Variants in SMG1 observed in about 807,000 individuals in gnomAD.
SMG1 encodes serine/threonine-protein kinase SMG1.
A neutral mutation model predicts 419.9 loss-of-function variants in SMG1; 22 were observed. The ratio of observed to expected loss-of-function variants is 0.05; its 90% CI spans 0.04 to 0.07. The LOEUF (loss-of-function observed/expected upper bound fraction) is 0.07. SMG1 is among the 10% of genes least tolerant of loss of function. The pLI is 1.00. For synonymous variants in SMG1, 1,538 were observed against 1,553.5 expected, an observed-to-expected ratio of 0.99 and a Z score of 0.23; for missense variants, 3,185 against 4,342.0, an observed-to-expected ratio of 0.73 and a Z score of 7.49.
Position 18,840,076 on chromosome 16 carries a change from T to A in SMG1, c.6697-130A>T, listed in dbSNP as rs1378478092. ...AGCATTCTCTCATTACTCAACTAAA[T>A]TTCATGTATTAATACAAAATAGCTA... On this transcript the variant is annotated intron_variant, in intron 41 of 62. Transcript: ENST00000446231. 11 of 698,408 alleles carry A rather than the reference T, an allele frequency of 1.6e-5. No homozygotes were observed. In the East Asian group the frequency reaches 3.0e-4, roughly 19 times the overall value. The allele number at this position is 698,408 out of a possible 1,614,324, so 43.3% of individuals were successfully genotyped here.
At chr16:18,887,986 C>A (rs1411608768) in intron 6 of SMG1, among the ~76,000 whole-genome samples, 1 of 150,482 alleles carries the variant, frequency 6.6e-6, no homozygotes, top group African/African-American at 2.4e-5. Flanking sequence ...GCCAGCACAA[C>A]GAAACCCCAT....
intron 13 of SMG1, among the ~76,000 whole-genome samples, chr16:18,873,369 A>G (rs1188463584): frequency 6.6e-6 from 1 of 152,048 alleles, no homozygotes; most frequent in Non-Finnish European, 1.5e-5. Flanking sequence ...ACAGGCGCCC[A>G]TCACCATGCC....
chr16:18,875,269 G>A (rs2036059149), intron 13 of SMG1: 1 of 152,544 alleles, frequency 6.6e-6, no homozygotes, highest in Non-Finnish European at 1.5e-5. Flanking sequence ...TCAGATTAGG[G>A]ATGCTCACCA....
In SMG1 at chr16:18,847,871, C is replaced by T; in HGVS notation, c.5786G>A (p.Cys1929Tyr). Residue 1929 changes from cysteine to tyrosine, a missense_variant, in exon 37 of 63, where the codon TGT becomes TAT. This residue lies in a region of SMG1 where 130 missense variants were observed against 162.0 expected (regional missense o/e 0.80). Transcript: ENST00000446231. Reference sequence around the variant, plus strand: ...CAGCTTATCTACAATTTTGCTGTAACAATCCTGCATCATGGCTTGGTCTTC... The same window carrying T: ...CAGCTTATCTACAATTTTGCTGTAATAATCCTGCATCATGGCTTGGTCTTC... ...LNEDQAMMQD[C>Y]YSKIVDKLSS... 6.2e-7 allele frequency: 1 copy of T among 1,614,036 alleles called. No homozygotes were observed. Among genetic ancestry groups the T allele is most frequent in the Non-Finnish European group, 8.5e-7 (1 of 1,179,890 alleles).
At chr16:18,817,172 T>G in intron 57 of SMG1, 119 bp downstream of exon 57, 90 of 371,334 alleles carry the variant, frequency 2.4e-4, no homozygotes, top group Middle Eastern at 8.1e-4. Flanking sequence ...CCCGCCCCCC[T>G]AACAACCTCT....
rs2034209375 is a variant in SMG1, at chr16:18,845,549, T to C, written c.6099A>G (p.Glu2033=). 5 of 1,613,972 alleles carry C rather than the reference T, an allele frequency of 3.1e-6. No homozygotes were observed. Among genetic ancestry groups the C allele is most frequent in the Non-Finnish European group, 3.4e-6 (4 of 1,179,876 alleles). ...HVRSITAAPA[E]TPHEKWFQDN... ...CCTGAAACCATTTTTCATGAGGTGT[T>C]TCTGCAGGAGCCGCTGTGATACTCC... The change falls in exon 39 of 63, where the codon GAA becomes GAG. Residue 2033 remains glutamate (E), a synonymous_variant. Transcript: ENST00000446231.
intron 26 of SMG1, among the ~76,000 whole-genome samples, chr16:18,860,296 C>T (rs930413758): frequency 1.2e-4 from 19 of 152,146 alleles, no homozygotes; most frequent in Middle Eastern, 3.2e-3. Context: ...CTTGCTCAAT[C>T]CAGAATACTC....
At chr16:18,870,733 A>C in intron 17 of SMG1, 22 bp from the exon 18 acceptor site, 1 of 1,586,756 alleles carries the variant, frequency 6.3e-7, no homozygotes, top group Non-Finnish European at 8.6e-7. Context: ...CGAAATAGAC[A>C]AAGCAGGTGT....
rs183429096 is a variant in SMG1 at position 18,826,983 on chromosome 16, C to T, written c.9741+1048G>A. The stretch of plus-strand genomic sequence containing the variant: ...GTGGTGCGCCGTTTCTTAAGCCGGT[C>T]TGAAAAGCGTAATATTCGGGTGGGA... On this transcript the variant is annotated intron_variant, in intron 55 of 62. Coordinates refer to ENST00000446231, the MANE Select transcript of SMG1 (RefSeq NM_015092.5). Among the ~76,000 whole-genome samples, 7 of 118,758 alleles carry T rather than the reference C, an allele frequency of 5.9e-5. 2 individuals carry two copies. In the Admixed American group the frequency reaches 6.5e-4, roughly 11 times the overall value. 77.9% of individuals were successfully genotyped at this position (118,758 alleles called of 152,430 possible).
At chr16:18,919,217 C>T (rs1197107619) in intron 1 of SMG1, among the ~76,000 whole-genome samples, 1 of 151,792 alleles carries the variant, frequency 6.6e-6, no homozygotes, top group East Asian at 1.9e-4. Context: ...ATCCCAGCTA[C>T]TCGGGAGGCT....
intron 39 of SMG1, 134 bp downstream of exon 39, chr16:18,845,295 A>G (rs1034881994): frequency 1.4e-6 from 1 of 695,608 alleles, no homozygotes; most frequent in African/African-American, 1.8e-5. Context: ...CTTATAAGCA[A>G]CTGGCCACAG....
intron 51 of SMG1, among the ~76,000 whole-genome samples, chr16:18,830,616 C>T (rs1284191202): frequency 2.6e-5 from 4 of 152,006 alleles, no homozygotes; most frequent in African/African-American, 4.8e-5. Context: ...GGAGAAACCC[C>T]GTCTCTACTA....
intron 6 of SMG1, among the ~76,000 whole-genome samples, chr16:18,888,670 G>A (rs2036744818): frequency 6.6e-6 from 1 of 151,616 alleles, no homozygotes; most frequent in Non-Finnish European, 1.5e-5. Flanking sequence ...GTTTCACCAT[G>A]TTGGCCTGGA....
intron 55 of SMG1, among the ~76,000 whole-genome samples, chr16:18,820,469 G>A (rs1286274241): frequency 2.0e-5 from 3 of 152,198 alleles, no homozygotes; most frequent in African/African-American, 7.2e-5. Context: ...CTCCCAAAGT[G>A]CTGGGATTAT....
chr16:18,917,623 G>T (rs2038028484), intron 1 of SMG1, among the ~76,000 whole-genome samples: 2 of 151,524 alleles, frequency 1.3e-5, no homozygotes, highest in South Asian at 4.2e-4. Flanking sequence ...TGTTGCCCAA[G>T]CTGGAGTGCA....
At chr16:18,898,582 A>C (rs962118932) in intron 1 of SMG1, among the ~76,000 whole-genome samples, 5 of 152,212 alleles carry the variant, frequency 3.3e-5, no homozygotes, top group African/African-American at 9.6e-5. Flanking sequence ...TACTTTCTGA[A>C]AGGAGATTGA....
chr16:18,874,885 A>C (rs1326486525), intron 13 of SMG1, among the ~76,000 whole-genome samples: 1 of 87,220 alleles, frequency 1.1e-5, no homozygotes, highest in African/African-American at 4.1e-5. Flanking sequence ...AAAAAAAAAA[A>C]AAAAAAAAAA....
In SMG1 at chr16:18,871,476, C is replaced by T; in HGVS notation, c.2190G>A (p.Leu730=). ...CTGCTTCCAAAGCCCAAGTCATTAA[C>T]AGTTTCCTGAAACACAAAATATACA... ...KDNLNQDTRK[L]LMTWALEAAV... is the part of the protein sequence containing the mutation. The change falls in exon 16 of 63, where the codon CTG becomes CTA. Residue 730 remains leucine, a synonymous_variant. Coordinates refer to ENST00000446231, the MANE Select transcript of SMG1 (RefSeq NM_015092.5). 2 of 1,568,548 alleles carry T rather than the reference C, an allele frequency of 1.3e-6. No individual in the cohort carries two copies. Among genetic ancestry groups the T allele is most frequent in the South Asian group, 1.2e-5 (1 of 84,290 alleles).
At chr16:18,828,675 A>T (rs2032932943) in intron 54 of SMG1, among the ~76,000 whole-genome samples, 1 of 152,248 alleles carries the variant, frequency 6.6e-6, no homozygotes, top group African/African-American at 2.4e-5. Context: ...TACAGGAAGC[A>T]TACCTACATA....
Sources: gnomAD v4.1 joint callset for allele counts (sites outside exome capture counted in the v4.1 genomes callset) on GRCh38, gnomAD v4.1.1 for gene constraint, gnomAD v4.1.1 regional missense constraint, MANE v1.5 for transcripts, NCBI Gene and HGNC (gene_info 2026-07-23, HGNC 2026-07-21) for gene names.